CMTM8: variants seen among roughly 807,000 people sequenced by gnomAD.
The protein encoded by CMTM8 is CKLF-like MARVEL transmembrane domain-containing protein 8.
A neutral mutation model predicts 18.6 loss-of-function variants in CMTM8; 12 were observed. The observed-to-expected ratio is 0.65, with a 90% CI of 0.41 to 1.05. CMTM8 has a LOEUF of 1.05. Ranked by LOEUF, CMTM8 falls within the 50% of genes least tolerant of loss-of-function variation. The pLI is 0.00. For synonymous variants in CMTM8, 87 were observed against 90.6 expected, an observed-to-expected ratio of 0.96 and a Z score of 0.23; for missense variants, 217 against 227.2, an observed-to-expected ratio of 0.95 and a Z score of 0.29.
intron 1 of CMTM8, among the ~76,000 whole-genome samples, chr3:32,299,229 T>C (rs532524086): frequency 6.6e-6 from 1 of 152,244 alleles, no homozygotes; most frequent in South Asian, 2.1e-4. Flanking sequence ...TTCCAAATGT[T>C]AATTTTTCTT....
intron 1 of CMTM8, among the ~76,000 whole-genome samples, chr3:32,319,804 C>A (rs894238994): frequency 2.0e-5 from 3 of 152,214 alleles, no homozygotes; most frequent in African/African-American, 7.2e-5. Flanking sequence ...ACAGGCATGG[C>A]AGAACTGTCA....
At chr3:32,316,269 C>T (rs533879671) in intron 1 of CMTM8, among the ~76,000 whole-genome samples, 5 of 152,140 alleles carry the variant, frequency 3.3e-5, no homozygotes, top group African/African-American at 9.6e-5. Context: ...CCTCGTGATC[C>T]GCCTGCCTCA....
chr3:32,339,600 C>T (rs917012788), intron 1 of CMTM8, among the ~76,000 whole-genome samples: 4 of 152,194 alleles, frequency 2.6e-5, no homozygotes, highest in Admixed American at 2.6e-4. Context: ...AGGCCTGAAG[C>T]CCTTCGGTTG....
chr3:32,263,919 G>A (rs912931717), intron 1 of CMTM8, among the ~76,000 whole-genome samples: 1 of 152,148 alleles, frequency 6.6e-6, no homozygotes, highest in Non-Finnish European at 1.5e-5. Context: ...AAAAAGAAAC[G>A]AACAAAGCCT....
chr3:32,251,957 G>C (rs1457430025), intron 1 of CMTM8, among the ~76,000 whole-genome samples: 1 of 152,008 alleles, frequency 6.6e-6, no homozygotes, highest in Admixed American at 6.6e-5. Flanking sequence ...GGTCATGATG[G>C]CATGTGCCTG....
intron 1 of CMTM8, among the ~76,000 whole-genome samples, chr3:32,263,895 A>G (rs1290238538): frequency 6.6e-6 from 1 of 152,234 alleles, no homozygotes; most frequent in Non-Finnish European, 1.5e-5. Flanking sequence ...AGAGAAGTTT[A>G]GAGAAAAAAG....
intron 1 of CMTM8, among the ~76,000 whole-genome samples, chr3:32,318,756 A>G (rs1689176661): frequency 6.6e-6 from 1 of 150,742 alleles, no homozygotes; most frequent in Non-Finnish European, 1.5e-5. Flanking sequence ...TTTAGGAGAG[A>G]CGGGGTTTCA....
rs539528223 is a variant in CMTM8 at position 32,333,562 on chromosome 3, G to A, written c.148-23811G>A. 4.8e-5 allele frequency among the ~76,000 whole-genome samples: 7 copies of A among 147,094 alleles called. No homozygotes were observed. In the South Asian group the frequency reaches 8.5e-4, roughly 18 times the overall value. On this transcript the variant is annotated intron_variant, in intron 1 of 3. Transcript: ENST00000307526. ...CTCATTTAGCACTCTTCTAAAGACC[G>A]AACCATTTCGCTAGATCTAACCCAT...
At chr3:32,258,508 T>G (rs1187776738) in intron 1 of CMTM8, among the ~76,000 whole-genome samples, 3 of 152,158 alleles carry the variant, frequency 2.0e-5, no homozygotes, top group Non-Finnish European at 2.9e-5. Flanking sequence ...CTTTGTTTTT[T>G]TTGTTTTGTT....
At chr3:32,294,770 T>A (rs892139511) in intron 1 of CMTM8, among the ~76,000 whole-genome samples, 2 of 152,150 alleles carry the variant, frequency 1.3e-5, no homozygotes, top group Non-Finnish European at 2.9e-5. Flanking sequence ...AACACAAAAC[T>A]GTGGCCAGAT....
chr3:32,306,167 T>A (rs891962560), intron 1 of CMTM8, among the ~76,000 whole-genome samples: 4 of 152,222 alleles, frequency 2.6e-5, no homozygotes, highest in African/African-American at 9.6e-5. Context: ...CACTCATTCA[T>A]CTGTGATCTG....
intron 1 of CMTM8, among the ~76,000 whole-genome samples, chr3:32,306,823 G>A (rs1173614074): frequency 6.6e-6 from 1 of 152,160 alleles, no homozygotes; most frequent in African/African-American, 2.4e-5. Context: ...AATAGTGTGA[G>A]GGTTGGAAGA....
intron 1 of CMTM8, among the ~76,000 whole-genome samples, chr3:32,318,055 CAAA>C (rs60403582): frequency 0.011 from 905 of 85,786 alleles, 8 homozygotes; most frequent in African/African-American, 0.031. Context: ...AACTCTGTCT[CAAA>C]AAAAAAAAAA....
chr3:32,332,249 A>ATGTAAAGC (rs1696293774), intron 1 of CMTM8, among the ~76,000 whole-genome samples: 1 of 152,316 alleles, frequency 6.6e-6, no homozygotes, highest in East Asian at 1.9e-4. Flanking sequence ...GCAGCACAGG[A>ATGTAAAGC]TGTAAAGCTG....
At chr3:32,296,962 C>G (rs1702890779) in intron 1 of CMTM8, among the ~76,000 whole-genome samples, 1 of 152,232 alleles carries the variant, frequency 6.6e-6, no homozygotes, top group South Asian at 2.1e-4. Flanking sequence ...CCTGAGGATG[C>G]CTTCTCCACT....
intron 1 of CMTM8, among the ~76,000 whole-genome samples, chr3:32,257,234 C>G (rs1343969745): frequency 6.6e-6 from 1 of 152,184 alleles, no homozygotes; most frequent in Non-Finnish European, 1.5e-5. Flanking sequence ...ACCTCAGCCT[C>G]CCAAAGTGCT....
At chr3:32,272,977 C>A (rs184832648) in intron 1 of CMTM8, among the ~76,000 whole-genome samples, 1 of 152,128 alleles carries the variant, frequency 6.6e-6, no homozygotes, top group Admixed American at 6.5e-5. Flanking sequence ...ATACAGACAG[C>A]CAATAAGCAC....
At chr3:32,366,321 G>A (rs1284682266) in intron 2 of CMTM8, among the ~76,000 whole-genome samples, 1 of 152,166 alleles carries the variant, frequency 6.6e-6, no homozygotes, top group Non-Finnish European at 1.5e-5. Context: ...TACTTACTGA[G>A]AGATGGGATC....
chr3:32,260,031 C>A, intron 1 of CMTM8: 1 of 1,133,736 alleles, frequency 8.8e-7, no homozygotes, highest in African/African-American at 1.5e-5. Context: ...GAGTACAAGG[C>A]CCTGCTGAAC....
Sources: allele counts gnomAD v4.1 joint callset (sites outside exome capture counted in the v4.1 genomes callset), GRCh38; gene constraint gnomAD v4.1.1; transcripts MANE v1.5; gene names NCBI Gene and HGNC (gene_info 2026-07-23, HGNC 2026-07-21).